The following CEP164 variants were observed in gnomAD, a reference collection of about 807,000 sequenced individuals.
CEP164 encodes the protein centrosomal protein 164, also known as centrosomal protein of 164 kDa.
In CEP164, 162 loss-of-function variants were observed where a neutral mutation model predicts 182.7. The ratio of observed to expected loss-of-function variants is 0.89; its 90% CI spans 0.78 to 1.01. The LOEUF (loss-of-function observed/expected upper bound fraction) is 1.01. CEP164 is among the 50% of genes least tolerant of loss of function. The pLI, the probability that CEP164 is intolerant of heterozygous loss-of-function variation, is 0.00. For missense variants in CEP164, 1,735 were observed against 1,790.4 expected, an observed-to-expected ratio of 0.97 and a Z score of 0.56; for synonymous variants, 661 against 690.0, an observed-to-expected ratio of 0.96 and a Z score of 0.66.
intron 13 of CEP164, among the ~76,000 whole-genome samples, chr11:117,382,245 T>G (rs148763142): frequency 2.9e-3 from 436 of 152,252 alleles, no homozygotes; most frequent in African/African-American, 9.9e-3. Flanking sequence ...GGGAAGCCCT[T>G]TCTCTAGTCC....
intron 8 of CEP164, among the ~76,000 whole-genome samples, chr11:117,368,631 G>A (rs981081373): frequency 3.3e-5 from 5 of 152,310 alleles, no homozygotes; most frequent in African/African-American, 1.2e-4. Context: ...GTGAGGGGGT[G>A]TGGTTGGCCC....
chr11:117,398,920 T>C (rs561365981), intron 27 of CEP164, among the ~76,000 whole-genome samples: 1 of 152,248 alleles, frequency 6.6e-6, no homozygotes, highest in Admixed American at 6.5e-5. Context: ...CTGCTCCTTG[T>C]TACATATGAA....
intron 5 of CEP164, among the ~76,000 whole-genome samples, chr11:117,357,182 C>T (rs557015830): frequency 1.3e-5 from 2 of 152,054 alleles, no homozygotes; most frequent in East Asian, 1.9e-4. Context: ...CAATCTGCAC[C>T]TCCATCGCTT....
intron 11 of CEP164, among the ~76,000 whole-genome samples, chr11:117,380,086 C>G (rs1301327915): frequency 6.6e-6 from 1 of 151,898 alleles, no homozygotes; most frequent in African/African-American, 2.4e-5. Flanking sequence ...CCCTTTTTGT[C>G]TCTGGCACAG....
At chr11:117,368,461 G>A (rs1322171971) in intron 8 of CEP164, among the ~76,000 whole-genome samples, 1 of 152,150 alleles carries the variant, frequency 6.6e-6, no homozygotes, top group Non-Finnish European at 1.5e-5. Context: ...GAAGGCAGTA[G>A]GGACTATTTA....
rs1037456050 is a variant in CEP164, at chr11:117,411,331, C to A, written c.4163+437C>A. On this transcript the variant is annotated intron_variant, in intron 31 of 32. Transcript: ENST00000278935. The surrounding 1 kb of genome is among the most constrained non-coding windows in gnomAD (Gnocchi z 4.4). ...AGCAACATCTGGAGTGAGAGGGACA[C>A]CCTGTGGAGGAGACAGACGGGCAAT... 1.2e-5 allele frequency: 3 copies of A among 245,050 alleles called. No homozygotes were observed. The highest frequency in any genetic ancestry group is 7.0e-5 in the South Asian group (1 of 14,338). 15.2% of individuals were successfully genotyped at this position (245,050 alleles called of 1,614,324 possible).
chr11:117,346,747 C>A (rs1383001305), intron 4 of CEP164, among the ~76,000 whole-genome samples: 1 of 151,936 alleles, frequency 6.6e-6, no homozygotes, highest in East Asian at 1.9e-4. Context: ...ACCTTTAGTC[C>A]CAGCTACTTC....
intron 6 of CEP164, among the ~76,000 whole-genome samples, 193 bp from the exon 7 acceptor site, chr11:117,362,211 A>C (rs754563470): frequency 6.6e-6 from 1 of 152,178 alleles, no homozygotes. Flanking sequence ...CTGATTTCCA[A>C]GTCTCTGCAG....
chr11:117,411,140 C>G lies in CEP164; in HGVS notation c.4163+246C>G. ...GAAGGGCTGGGCTTACCCTGCCAAC[C>G]CCCTGAGGAAGCTGCCCTCTGGCCC... On this transcript the variant is annotated intron_variant, in intron 31 of 32. Transcript: ENST00000278935. The surrounding 1 kb of genome is among the most constrained non-coding windows in gnomAD (Gnocchi z 4.4). 1 of 480,854 alleles carries G rather than the reference C, an allele frequency of 2.1e-6. No homozygotes were observed. The highest frequency in any genetic ancestry group is 3.8e-6 in the Non-Finnish European group (1 of 263,016). 29.8% of individuals were successfully genotyped at this position (480,854 alleles called of 1,614,324 possible). A position where few individuals can be genotyped will look rare whatever the true frequency, so the allele number is the denominator to read the frequency against.
rs775505362 is a variant in CEP164, at chr11:117,392,318, C to G, written c.2361+15C>G. 8 of 1,605,476 alleles carry G rather than the reference C, an allele frequency of 5.0e-6. No individual in the cohort carries two copies. The highest frequency in any genetic ancestry group is 6.8e-6 in the Non-Finnish European group (8 of 1,178,048). On this transcript the variant is annotated intron_variant, in intron 18 of 32. Transcript: ENST00000278935. ...AGCACCGGGAGGTAAGATGCAGCAT[C>G]CTGGGCCCCCTTCATGGCTGATTAG... is the stretch of plus-strand genomic sequence containing the variant.
At chr11:117,399,033 C>T (rs1373829033) in intron 27 of CEP164, among the ~76,000 whole-genome samples, 1 of 151,846 alleles carries the variant, frequency 6.6e-6, no homozygotes, top group African/African-American at 2.4e-5. Context: ...ATGTGCAGAC[C>T]ATGCAGGTTT....
At chr11:117,375,036 T>C (rs1332292845) in intron 10 of CEP164, among the ~76,000 whole-genome samples, 4 of 152,184 alleles carry the variant, frequency 2.6e-5, no homozygotes, top group Admixed American at 2.0e-4. Flanking sequence ...GAGAAGCCAG[T>C]GCAGGAATCA....
intron 3 of CEP164, among the ~76,000 whole-genome samples, chr11:117,340,291 G>C: frequency 6.6e-6 from 1 of 152,256 alleles, no homozygotes; most frequent in East Asian, 1.9e-4. Context: ...CAGAGGATTG[G>C]GATTACAGGC....
rs754626177 is a variant in CEP164 at position 117,362,007 on chromosome 11, C to T, written c.552+14C>T. ...GAACTCATGCTGGTAAGTACGTTCTCTTGCGTTCAGTGTCTGTAGTTCCTG... is the reference window on the plus strand; with the variant it reads ...GAACTCATGCTGGTAAGTACGTTCTTTTGCGTTCAGTGTCTGTAGTTCCTG... On this transcript the variant is annotated intron_variant, in intron 6 of 32. Coordinates refer to ENST00000278935, the MANE Select transcript of CEP164 (RefSeq NM_014956.5). The T allele has an allele frequency of 2.6e-6, 4 of 1,546,088 alleles. No individual in the cohort carries two copies. Among genetic ancestry groups the T allele is most frequent in the Non-Finnish European group, 3.5e-6 (4 of 1,151,552 alleles).
chr11:117,367,239 T>C (rs1028008286), intron 8 of CEP164, among the ~76,000 whole-genome samples: 8 of 152,242 alleles, frequency 5.3e-5, no homozygotes, highest in Non-Finnish European at 7.3e-5. Context: ...TCAGCTCATG[T>C]ACATCCATTT....
At position 117,357,953 on chromosome 11, in the gene CEP164, A is replaced by T. The variant is rs1176711921; in HGVS notation, c.394-3882A>T. On this transcript the variant is annotated intron_variant, in intron 5 of 32. Transcript: ENST00000278935. ...TCTACCTTTGTCCCTTTAAAGAGTC[A>T]CTATATTCTTCATTCAGAAGTCAAG... Among the ~76,000 whole-genome samples, 3 of 152,264 alleles carry T rather than the reference A, an allele frequency of 2.0e-5. No homozygotes were observed. The East Asian group carries it at 5.8e-4, about 29-fold the overall frequency.
intron 8 of CEP164, among the ~76,000 whole-genome samples, chr11:117,369,517 G>A (rs189135234): frequency 6.6e-6 from 1 of 152,318 alleles, no homozygotes; most frequent in Non-Finnish European, 1.5e-5. Context: ...CAGGCTTGCA[G>A]GGAGAGGGTC....
At chr11:117,349,608 C>T (rs61903739) in intron 4 of CEP164, among the ~76,000 whole-genome samples, 6,555 of 152,226 alleles carry the variant, frequency 0.043, 182 homozygotes, top group Non-Finnish European at 0.051. Context: ...GCCTCAGCTT[C>T]CTAAGTGGCT....
At chr11:117,365,306 C>G (rs146780978) in intron 8 of CEP164, among the ~76,000 whole-genome samples, 1 of 152,200 alleles carries the variant, frequency 6.6e-6, no homozygotes, top group African/African-American at 2.4e-5. Context: ...GTTCAACAAT[C>G]GAGAGAGTGA....
Sources: gnomAD v4.1 joint callset for allele counts (sites outside exome capture counted in the v4.1 genomes callset) on GRCh38, gnomAD v4.1.1 for gene constraint, Gnocchi (gnomAD v3.1) non-coding constraint, MANE v1.5 for transcripts, NCBI Gene and HGNC (gene_info 2026-07-23, HGNC 2026-07-21) for gene names.